Variants in MAP2 observed in about 807,000 individuals in gnomAD.
MAP2 encodes microtubule associated protein 2.
Under a neutral mutation model 137.6 loss-of-function variants are expected in MAP2, and 14 were observed. The observed-to-expected ratio is 0.10, with a 90% CI of 0.07 to 0.16. The LOEUF is 0.16. Among genes scored for constraint, MAP2 ranks in the 10% least tolerant of loss-of-function variants. The pLI, the probability that MAP2 is intolerant of heterozygous loss-of-function variation, is 1.00. For missense variants in MAP2, 2,088 were observed against 2,191.5 expected (o/e 0.95, Z 0.94); for synonymous variants, 786 against 782.3 (o/e 1.00, Z -0.08).
rs866178378 is a variant in MAP2, at chr2:209,601,462, A to G, written c.-107+21362A>G. ...TAGAGAGAAAAATACTGTGTTTTAA[A>G]GATATTGAATAGTCTTTGACATGGA... On this transcript the variant is annotated intron_variant, in intron 3 of 15. Coordinates refer to ENST00000682079, the MANE Select transcript of MAP2 (RefSeq NM_001375505.1). Among the ~76,000 whole-genome samples, 8 of 152,282 alleles carry G rather than the reference A, an allele frequency of 5.3e-5. 1 individual carries two copies. The Middle Eastern group carries it at 0.024, about 453-fold the overall frequency.
intron 3 of MAP2, among the ~76,000 whole-genome samples, chr2:209,622,688 A>G (rs1196915110): frequency 6.9e-6 from 1 of 145,050 alleles, no homozygotes; most frequent in East Asian, 2.0e-4. Flanking sequence ...TATGGGTACA[A>G]AGGATCACTT....
chr2:209,687,140 T>C (rs1401999608), intron 7 of MAP2, among the ~76,000 whole-genome samples: 1 of 151,000 alleles, frequency 6.6e-6, no homozygotes. Context: ...CTTAACAGGA[T>C]TGAAATTAAA....
chr2:209,488,458 G>T (rs763263444), intron 1 of MAP2, among the ~76,000 whole-genome samples: 3 of 152,166 alleles, frequency 2.0e-5, no homozygotes, highest in Non-Finnish European at 2.9e-5. Flanking sequence ...CCCTGGAAAG[G>T]GGGGCTGAAG....
chr2:209,618,293 A>G (rs1236447494), intron 3 of MAP2, among the ~76,000 whole-genome samples: 3 of 152,208 alleles, frequency 2.0e-5, no homozygotes, highest in Non-Finnish European at 2.9e-5. Context: ...TAGGTCTGCA[A>G]AAGAACTAGT....
intron 1 of MAP2, among the ~76,000 whole-genome samples, chr2:209,443,975 G>T (rs1040279183): frequency 4.6e-5 from 7 of 151,656 alleles, no homozygotes; most frequent in African/African-American, 1.7e-4. Context: ...ACCAGTTTTA[G>T]GAATATATTA....
At chr2:209,666,763 T>A (rs2046492601) in intron 5 of MAP2, among the ~76,000 whole-genome samples, 1 of 151,986 alleles carries the variant, frequency 6.6e-6, no homozygotes, top group African/African-American at 2.4e-5. Flanking sequence ...AAGAAAAAAA[T>A]TTTATCATCT....
In MAP2 at chr2:209,567,370, A is replaced by G. The variant is rs148018001; in HGVS notation, c.-171-12666A>G. On this transcript the variant is annotated intron_variant, in intron 2 of 15. Coordinates refer to ENST00000682079, the MANE Select transcript of MAP2 (RefSeq NM_001375505.1). ...ATTTTCCTTGACTATGTTCCCCATT[A>G]CTTTGGGGTAAAATGGAGGAGAAAG... Among the ~76,000 whole-genome samples the G allele has an allele frequency of 4.1e-4, 62 of 152,166 alleles. 1 individual carries two copies. In the East Asian group the frequency reaches 0.011, roughly 27 times the overall value.
At chr2:209,706,869 G>T (rs948873189) in intron 12 of MAP2, among the ~76,000 whole-genome samples, 1 of 149,256 alleles carries the variant, frequency 6.7e-6, no homozygotes, top group Non-Finnish European at 1.5e-5. Context: ...AACAGTAATT[G>T]TGTCCAACAT....
At chr2:209,477,924 A>G (rs1302058582) in intron 1 of MAP2, among the ~76,000 whole-genome samples, 1 of 151,764 alleles carries the variant, frequency 6.6e-6, no homozygotes, top group African/African-American at 2.4e-5. Flanking sequence ...GGATGGCTTG[A>G]GCCTGGGAGA....
Position 209,695,047 on chromosome 2 carries a change from G to C in MAP2, c.2877G>C (p.Arg959Ser). 1 of 1,614,124 alleles carries C rather than the reference G, an allele frequency of 6.2e-7. No homozygotes were observed. Among genetic ancestry groups the C allele is most frequent in the Non-Finnish European group, 8.5e-7 (1 of 1,180,020 alleles). The change falls in exon 8 of 16, where the codon AGG becomes AGC. Residue 959 changes from arginine to serine, a missense_variant. Around this residue, in one of 6 missense-constraint regions of MAP2, gnomAD observed 500 missense variants for 482.9 expected, o/e 1.04. Coordinates refer to ENST00000682079, the MANE Select transcript of MAP2 (RefSeq NM_001375505.1). ...EFDQEKKAND[R>S]LDTVLEKSEE... ...ACCAAGAGAAGAAAGCTAATGATAG[G>C]TTGGATACTGTACTAGAAAAGAGTG...
intron 2 of MAP2, among the ~76,000 whole-genome samples, chr2:209,528,702 C>CTA (rs1179294349): frequency 6.7e-5 from 10 of 149,298 alleles, no homozygotes; most frequent in African/African-American, 9.9e-5. Context: ...CATCTTAGGA[C>CTA]TATATATATA....
chr2:209,463,409 A>G (rs962283181), intron 1 of MAP2, among the ~76,000 whole-genome samples: 1 of 152,152 alleles, frequency 6.6e-6, no homozygotes, highest in African/African-American at 2.4e-5. Flanking sequence ...GTCTGCTTTT[A>G]GGTAAGGTCT....
At chr2:209,664,687 C>T (rs933149019) in intron 5 of MAP2, among the ~76,000 whole-genome samples, 2 of 151,598 alleles carry the variant, frequency 1.3e-5, no homozygotes, top group Admixed American at 6.6e-5. Context: ...AAAGGAAAAC[C>T]GTGGCTCATG....
intron 3 of MAP2, among the ~76,000 whole-genome samples, chr2:209,593,360 AAATG>A (rs1400178332): frequency 2.6e-5 from 4 of 151,328 alleles, no homozygotes; most frequent in African/African-American, 7.3e-5. Context: ...TTAATTAAAA[AAATG>A]AATGAAGAAC....
chr2:209,643,050 A>G (rs1483428198), intron 4 of MAP2, among the ~76,000 whole-genome samples: 4 of 152,184 alleles, frequency 2.6e-5, no homozygotes, highest in Non-Finnish European at 5.9e-5. Context: ...TCATCTGTGG[A>G]TATGTAGCAG....
chr2:209,445,321 T>C (rs1698805896), intron 1 of MAP2, among the ~76,000 whole-genome samples: 1 of 151,762 alleles, frequency 6.6e-6, no homozygotes, highest in African/African-American at 2.4e-5. Context: ...ATGCACAATG[T>C]CATTCTCTGC....
In MAP2 at chr2:209,502,291, G is replaced by A. The variant is rs566844652; in HGVS notation, c.-221-5301G>A. On this transcript the variant is annotated intron_variant, in intron 1 of 15. Coordinates refer to ENST00000682079, the MANE Select transcript of MAP2 (RefSeq NM_001375505.1). ...CTCCAGATAACCACCATTCTACTCCGCTTCTATGAGTTCAGCTTTTTAAGA... is the reference window on the plus strand; with the variant it reads ...CTCCAGATAACCACCATTCTACTCCACTTCTATGAGTTCAGCTTTTTAAGA... Among the ~76,000 whole-genome samples, 11 of 152,116 alleles carry A rather than the reference G, an allele frequency of 7.2e-5. No individual in the cohort carries two copies. In the South Asian group the frequency reaches 1.2e-3, roughly 17 times the overall value.
chr2:209,472,226 G>A (rs1705931603), intron 1 of MAP2, among the ~76,000 whole-genome samples: 1 of 152,138 alleles, frequency 6.6e-6, no homozygotes, highest in African/African-American at 2.4e-5. Flanking sequence ...ATTTTCATTT[G>A]GAGCCCCTCT....
intron 3 of MAP2, among the ~76,000 whole-genome samples, chr2:209,614,385 C>T (rs1312184537): frequency 6.6e-6 from 1 of 152,120 alleles, no homozygotes; most frequent in Non-Finnish European, 1.5e-5. Context: ...GAGGCAGCCT[C>T]TTCTTTGTTT....
Sources: allele counts gnomAD v4.1 joint callset (sites outside exome capture counted in the v4.1 genomes callset), GRCh38; gene constraint gnomAD v4.1.1; regional missense constraint gnomAD v4.1.1; transcripts MANE v1.5; gene names NCBI Gene and HGNC (gene_info 2026-07-23, HGNC 2026-07-21).